CNTNAP3: variants seen among roughly 807,000 people sequenced by gnomAD.
CNTNAP3 encodes contactin-associated protein-like 3.
Under a neutral mutation model 92.1 loss-of-function variants are expected in CNTNAP3, and 36 were observed. That is an observed-to-expected ratio of 0.39 (90% CI 0.30 to 0.52). The LOEUF (loss-of-function observed/expected upper bound fraction) is 0.52, where lower values mean the gene tolerates loss of function less well. CNTNAP3 is among the 20% of genes least tolerant of loss of function. The pLI, the probability that CNTNAP3 is intolerant of heterozygous loss-of-function variation, is 0.76. For synonymous variants in CNTNAP3, 232 were observed against 422.3 expected, an observed-to-expected ratio of 0.55 and a Z score of 5.53; for missense variants, 534 against 1,069.6, an observed-to-expected ratio of 0.50 and a Z score of 6.98.
intron 18 of CNTNAP3, among the ~76,000 whole-genome samples, chr9:39,091,056 G>T (rs929679089): frequency 6.6e-6 from 1 of 151,912 alleles, no homozygotes; most frequent in African/African-American, 2.4e-5. Flanking sequence ...GCTGAACTTG[G>T]TTTTAGTTTT....
rs1822829490 is a variant in CNTNAP3 at position 39,254,706 on chromosome 9, C to G, written c.196+12190G>C. ...CCTTATAAAATTAATTTAAACGCAC[C>G]AAAAGCCATATTGCATTTATACTAT... is the stretch of plus-strand genomic sequence containing the variant. On this transcript the variant is annotated intron_variant, in intron 2 of 23. Transcript: ENST00000297668. Among the ~76,000 whole-genome samples the G allele has an allele frequency of 1.7e-4, 4 of 23,604 alleles. 2 individuals carry two copies. Among genetic ancestry groups the G allele is most frequent in the Non-Finnish European group, 3.9e-4 (4 of 10,130 alleles). The allele number at this position is 23,604 out of a possible 152,430, so 15.5% of individuals were successfully genotyped here.
chr9:39,106,640 C>T (rs371237542), intron 15 of CNTNAP3: 1 of 152,122 alleles, frequency 6.6e-6, no homozygotes, highest in Non-Finnish European at 1.5e-5. Context: ...AGGTGAATGA[C>T]ATATCCTGAA....
chr9:39,121,845 C>T (rs112270670), intron 13 of CNTNAP3, among the ~76,000 whole-genome samples: 138 of 152,192 alleles, frequency 9.1e-4, no homozygotes, highest in African/African-American at 3.1e-3. Flanking sequence ...TTGAAATAAG[C>T]GCAGAACATT....
At chr9:39,093,573 T>G (rs1472414287) in intron 18 of CNTNAP3, among the ~76,000 whole-genome samples, 7 of 151,430 alleles carry the variant, frequency 4.6e-5, no homozygotes, top group Non-Finnish European at 7.4e-5. Context: ...CTACTTTGTC[T>G]CTACAAATTT....
Position 39,127,382 on chromosome 9 carries a change from AC to A in CNTNAP3, c.2080+5549del, listed in dbSNP as rs1181514725. Among the ~76,000 whole-genome samples, 4 of 152,132 alleles carry A rather than the reference AC, an allele frequency of 2.6e-5. No individual in the cohort carries two copies. The East Asian group carries it at 7.7e-4, about 29-fold the overall frequency. ...AGTTCTTACCTCTAGAAACTAGAAAACAAAATTAACTCATACAAGCTGAAGG... is the reference window on the plus strand; with the variant it reads ...AGTTCTTACCTCTAGAAACTAGAAAAAAAATTAACTCATACAAGCTGAAGG... On this transcript the variant is annotated intron_variant, in intron 13 of 23. Transcript: ENST00000297668.
At chr9:39,075,675 C>A (rs1390877855) in intron 23 of CNTNAP3, among the ~76,000 whole-genome samples, 1 of 152,250 alleles carries the variant, frequency 6.6e-6, no homozygotes, top group Non-Finnish European at 1.5e-5. Flanking sequence ...TAGTTTCTTC[C>A]CATATATTTA....
At chr9:39,087,033 CAG>C (rs747106419) in intron 19 of CNTNAP3, among the ~76,000 whole-genome samples, 184 bp from the exon 20 acceptor site, 154 of 152,066 alleles carry the variant, frequency 1.0e-3, no homozygotes, top group Admixed American at 2.6e-3. Context: ...ATTCCTGTGC[CAG>C]ACTCTGAGTC....
chr9:39,150,448 A>C (rs568397816), intron 9 of CNTNAP3, among the ~76,000 whole-genome samples: 7 of 66,684 alleles, frequency 1.0e-4, no homozygotes, highest in African/African-American at 4.3e-4. Context: ...AAATATGTTA[A>C]ATATCTACCC....
At chr9:39,106,162 A>G (rs1253952816) in intron 15 of CNTNAP3, among the ~76,000 whole-genome samples, 1 of 152,212 alleles carries the variant, frequency 6.6e-6, no homozygotes, top group Non-Finnish European at 1.5e-5. Flanking sequence ...AAAAGAAGGG[A>G]AAAGAATCAA....
intron 12 of CNTNAP3, among the ~76,000 whole-genome samples, chr9:39,139,022 TTAGAG>T (rs1821507387): frequency 6.6e-6 from 1 of 152,188 alleles, no homozygotes; most frequent in South Asian, 2.1e-4. Flanking sequence ...TTTCAAGCTA[TTAGAG>T]TAGTTTGAAA....
intron 23 of CNTNAP3, among the ~76,000 whole-genome samples, chr9:39,075,214 A>G (rs1825727203): frequency 6.6e-6 from 1 of 151,526 alleles, no homozygotes; most frequent in Admixed American, 6.6e-5. Context: ...AAAATATTGA[A>G]ACCATTAGCA....
Position 39,067,691 on chromosome 9 carries a change from CGGCCTG to C in CNTNAP3, c.*6193_*6198del, listed in dbSNP as rs1285299705. On this transcript the variant is annotated 3_prime_UTR_variant, in exon 24 of 24. Transcript: ENST00000297668. ...GATTACAGGCATGAGCCACTGTGCC[CGGCCTG>C]GTGTTGGATAGTTTTATGTTACTGG... 6.6e-6 allele frequency among the ~76,000 whole-genome samples: 1 copy of C among 152,308 alleles called. No individual in the cohort carries two copies. Among genetic ancestry groups the C allele is most frequent in the African/African-American group, 2.4e-5 (1 of 41,484 alleles).
chr9:39,267,439 AT>A (rs1359442234), intron 1 of CNTNAP3, among the ~76,000 whole-genome samples: 1 of 145,858 alleles, frequency 6.9e-6, no homozygotes, highest in Non-Finnish European at 1.5e-5. Context: ...CCAAACCTCA[AT>A]AGCGGCTAGA....
At chr9:39,112,261 A>G (rs1472065865) in intron 14 of CNTNAP3, among the ~76,000 whole-genome samples, 1 of 152,086 alleles carries the variant, frequency 6.6e-6, no homozygotes, top group Non-Finnish European at 1.5e-5. Context: ...TCTAAAAGCT[A>G]CTACTTATTA....
At chr9:39,122,082 C>T (rs1281595687) in intron 13 of CNTNAP3, among the ~76,000 whole-genome samples, 6 of 152,150 alleles carry the variant, frequency 3.9e-5, no homozygotes, top group Non-Finnish European at 2.9e-5. Flanking sequence ...TGGCCGGGCG[C>T]GGTGGCTCAC....
intron 4 of CNTNAP3, among the ~76,000 whole-genome samples, chr9:39,179,340 C>CACACACAT (rs1425353465): frequency 9.2e-6 from 1 of 109,186 alleles, no homozygotes; most frequent in Non-Finnish European, 1.8e-5. Flanking sequence ...CACACACACA[C>CACACACAT]AGGCACACAG....
At chr9:39,168,305 C>T (rs1467266961) in intron 8 of CNTNAP3, among the ~76,000 whole-genome samples, 1 of 150,902 alleles carries the variant, frequency 6.6e-6, no homozygotes, top group Non-Finnish European at 1.5e-5. Flanking sequence ...GCGTGAGCCA[C>T]CACACCTGGC....
intron 13 of CNTNAP3, among the ~76,000 whole-genome samples, chr9:39,131,478 C>A (rs1265962662): frequency 3.3e-5 from 5 of 151,730 alleles, no homozygotes; most frequent in African/African-American, 1.2e-4. Context: ...GAGGGATCAC[C>A]CTGGGAAGGG....
chr9:39,102,662 T>C lies in CNTNAP3; in HGVS notation c.2590A>G (p.Thr864Ala). The C allele has an allele frequency of 7.0e-7, 1 of 1,425,060 alleles. No homozygotes were observed. Among genetic ancestry groups the C allele is most frequent in the Middle Eastern group, 2.4e-4 (1 of 4,092 alleles). 88.3% of individuals were successfully genotyped at this position (1,425,060 alleles called of 1,614,324 possible). A position where few individuals can be genotyped will look rare whatever the true frequency, so the allele number is the denominator to read the frequency against. ...FDVGNGPCEV[T>A]VQSPTPFNDN... ...TTAAAGGGAGTGGGTGACTGCACCG[T>C]GACCTCACAAGGTCCATTCCCCACA... Residue 864 changes from threonine (T) to alanine (A), a missense_variant, in exon 17 of 24, where the codon ACG becomes GCG. Transcript: ENST00000297668.
Sources: allele counts gnomAD v4.1 joint callset (sites outside exome capture counted in the v4.1 genomes callset), GRCh38; gene constraint gnomAD v4.1.1; transcripts MANE v1.5; gene names NCBI Gene and HGNC (gene_info 2026-07-23, HGNC 2026-07-21).